The following GTF2E2 variants were observed in gnomAD, a reference collection of about 807,000 sequenced individuals.
GTF2E2 encodes the protein general transcription factor IIE subunit 2.
In GTF2E2, 21 loss-of-function variants were observed where a neutral mutation model predicts 40.5. The observed-to-expected ratio is 0.52, with a 90% CI of 0.37 to 0.75. The LOEUF (loss-of-function observed/expected upper bound fraction) is 0.75. Among genes scored for constraint, GTF2E2 ranks in the 30% least tolerant of loss-of-function variants. The probability of loss-of-function intolerance (pLI) is 0.00; values close to 1 mark genes in which losing one functional copy is unlikely to be tolerated. For missense variants in GTF2E2, 298 were observed against 338.4 expected (o/e 0.88, Z 0.94); for synonymous variants, 117 against 121.6 (o/e 0.96, Z 0.25).
At chr8:30,616,631 C>T (rs1395394779) in intron 3 of GTF2E2, among the ~76,000 whole-genome samples, 1 of 151,892 alleles carries the variant, frequency 6.6e-6, no homozygotes, top group Non-Finnish European at 1.5e-5. Context: ...TAAGGGTGAA[C>T]TCATGTAAAC....
chr8:30,604,818 A>G (rs1406672191), intron 6 of GTF2E2, among the ~76,000 whole-genome samples: 1 of 152,240 alleles, frequency 6.6e-6, no homozygotes, highest in Non-Finnish European at 1.5e-5. Flanking sequence ...AAGCTATGCA[A>G]TAAGGAAATA....
chr8:30,635,719 T>G (rs1460264640), intron 2 of GTF2E2, among the ~76,000 whole-genome samples: 1 of 152,022 alleles, frequency 6.6e-6, no homozygotes, highest in African/African-American at 2.4e-5. Context: ...TTAACTCTGA[T>G]TAGACTCGCT....
intron 3 of GTF2E2, among the ~76,000 whole-genome samples, chr8:30,634,467 A>G (rs1207397485): frequency 1.3e-5 from 2 of 152,112 alleles, no homozygotes; most frequent in Non-Finnish European, 2.9e-5. Context: ...AAAGGGAAAA[A>G]AAAAGATTCA....
In GTF2E2 at chr8:30,638,089, T is replaced by C. The variant is rs73578103; in HGVS notation, c.167-2966A>G. ...AACTTGCAGAGCTAAAAGCCAATTATTTTCCTTCATAATTCCTCCTAAATC... is the reference window on the plus strand; with the variant it reads ...AACTTGCAGAGCTAAAAGCCAATTACTTTCCTTCATAATTCCTCCTAAATC... On this transcript the variant is annotated intron_variant, in intron 2 of 7. Transcript: ENST00000355904. Among the ~76,000 whole-genome samples, 542 of 152,308 alleles carry C rather than the reference T, an allele frequency of 3.6e-3. 4 individuals carry two copies. Among genetic ancestry groups the C allele is most frequent in the African/African-American group, 0.012 (505 of 41,562 alleles).
intron 6 of GTF2E2, among the ~76,000 whole-genome samples, chr8:30,606,780 GAAAT>G (rs1229701458): frequency 6.6e-6 from 1 of 152,072 alleles, no homozygotes; most frequent in Non-Finnish European, 1.5e-5. Context: ...TAAAGATAAA[GAAAT>G]AAACCCGTTT....
chr8:30,586,119 G>T (rs1414944519), intron 6 of GTF2E2, among the ~76,000 whole-genome samples: 1 of 152,124 alleles, frequency 6.6e-6, no homozygotes, highest in African/African-American at 2.4e-5. Context: ...ATCTCAACGA[G>T]CAACACGCCA....
intron 2 of GTF2E2, among the ~76,000 whole-genome samples, chr8:30,637,446 T>C (rs1407319377): frequency 6.6e-6 from 1 of 152,224 alleles, no homozygotes; most frequent in African/African-American, 2.4e-5. Flanking sequence ...TGAATGACTA[T>C]AATACAGATA....
rs140091029 is a variant in GTF2E2, at chr8:30,580,507, G to GA, written c.644-112dup. ...CCTCTGGATCCAAATGAGCACATCT[G>GA]ATATGTCATCATGAAACAAGTCAGG... On this transcript the variant is annotated intron_variant, in intron 6 of 7. Coordinates refer to ENST00000355904, the MANE Select transcript of GTF2E2 (RefSeq NM_002095.6). 2,571 of 671,496 alleles carry GA rather than the reference G, an allele frequency of 3.8e-3. 38 individuals are homozygous for GA. In the African/African-American group the frequency reaches 0.04, roughly 11 times the overall value. The allele number at this position is 671,496 out of a possible 1,614,324, so 41.6% of individuals were successfully genotyped here. A position where few individuals can be genotyped will look rare whatever the true frequency, so the allele number is the denominator to read the frequency against.
chr8:30,638,603 G>A (rs565457056), intron 2 of GTF2E2: 3 of 152,590 alleles, frequency 2.0e-5, no homozygotes, highest in African/African-American at 4.8e-5. Flanking sequence ...ACAAACAGAC[G>A]ATACCATCGC....
chr8:30,627,663 A>G (rs766614577), intron 3 of GTF2E2, among the ~76,000 whole-genome samples: 30 of 152,130 alleles, frequency 2.0e-4, no homozygotes, highest in Non-Finnish European at 4.3e-4. Flanking sequence ...CCTCATCACT[A>G]TTTAAAAAAA....
chr8:30,619,390 CTT>C (rs5890528), intron 3 of GTF2E2, among the ~76,000 whole-genome samples: 73 of 142,026 alleles, frequency 5.1e-4, no homozygotes, highest in African/African-American at 9.3e-4. Flanking sequence ...CATAAACTGA[CTT>C]TTTTTTTTTT....
chr8:30,610,740 T>C (rs1458948210), intron 5 of GTF2E2, among the ~76,000 whole-genome samples: 2 of 151,914 alleles, frequency 1.3e-5, no homozygotes, highest in African/African-American at 2.4e-5. Context: ...GAAGAAAACA[T>C]AGGACAAAAG....
intron 6 of GTF2E2, among the ~76,000 whole-genome samples, chr8:30,598,978 C>T (rs1829092204): frequency 6.6e-6 from 1 of 151,998 alleles, no homozygotes. Context: ...GGCAACAAAG[C>T]GAGACCCTGT....
chr8:30,652,548 TAAA>T (rs36075972), intron 2 of GTF2E2, among the ~76,000 whole-genome samples: 4 of 144,308 alleles, frequency 2.8e-5, no homozygotes, highest in Non-Finnish European at 6.1e-5. Flanking sequence ...TAGCTATGAT[TAAA>T]AAAAAAAAAA....
At chr8:30,600,384 C>T (rs1238823021) in intron 6 of GTF2E2, among the ~76,000 whole-genome samples, 1 of 152,150 alleles carries the variant, frequency 6.6e-6, no homozygotes, top group African/African-American at 2.4e-5. Flanking sequence ...TTAACATTAC[C>T]ATGTTCTTAC....
At chr8:30,617,215 C>T (rs940999258) in intron 3 of GTF2E2, among the ~76,000 whole-genome samples, 5 of 152,166 alleles carry the variant, frequency 3.3e-5, no homozygotes, top group South Asian at 2.1e-4. Flanking sequence ...ATAGCCACTT[C>T]GCCAAACTAG....
rs994350584 is a variant in GTF2E2 at position 30,620,767 on chromosome 8, A to C, written c.259-6052T>G. On this transcript the variant is annotated intron_variant, in intron 3 of 7. Transcript: ENST00000355904. The stretch of plus-strand genomic sequence containing the variant: ...AACATGATGAAACCTCGACTCCACA[A>C]AAAAAAAAAAAATTAGCCAGGCATG... Among the ~76,000 whole-genome samples the C allele has an allele frequency of 8.2e-5, 12 of 145,868 alleles. 1 individual carries two copies. The highest frequency in any genetic ancestry group is 1.6e-4 in the African/African-American group (6 of 38,072).
At chr8:30,639,792 T>C (rs1436712082) in intron 2 of GTF2E2, among the ~76,000 whole-genome samples, 1 of 151,950 alleles carries the variant, frequency 6.6e-6, no homozygotes, top group Non-Finnish European at 1.5e-5. Flanking sequence ...ATAATTTCTA[T>C]TCCTTTTCTT....
chr8:30,625,329 T>C (rs1801238660), intron 3 of GTF2E2, among the ~76,000 whole-genome samples: 1 of 152,180 alleles, frequency 6.6e-6, no homozygotes, highest in Admixed American at 6.5e-5. Flanking sequence ...GACTTGCGTA[T>C]GTTGAACCAG....
Sources: allele counts gnomAD v4.1 joint callset (sites outside exome capture counted in the v4.1 genomes callset), GRCh38; gene constraint gnomAD v4.1.1; transcripts MANE v1.5; gene names NCBI Gene and HGNC (gene_info 2026-07-23, HGNC 2026-07-21).